The following LYG2 variants were observed in gnomAD, a reference collection of about 807,000 sequenced individuals.
LYG2 encodes the protein lysozyme g-like protein 2.
Under a neutral mutation model 22.4 loss-of-function variants are expected in LYG2, and 25 were observed. The observed-to-expected ratio is 1.12, with a 90% CI of 0.81 to 1.56. The LOEUF (loss-of-function observed/expected upper bound fraction) is 1.56, where lower values mean the gene tolerates loss of function less well. LYG2 is among the 40% of genes most tolerant of loss of function. The pLI is 0.00. For synonymous variants in LYG2, 88 were observed against 97.0 expected (o/e 0.91, Z 0.55); for missense variants, 266 against 269.5 (o/e 0.99, Z 0.09).
At chr2:99,245,073 T>G (rs1014686286) in intron 5 of LYG2, among the ~76,000 whole-genome samples, 189 bp downstream of exon 5, 9 of 150,392 alleles carry the variant, frequency 6.0e-5, no homozygotes, top group Admixed American at 2.0e-4. Flanking sequence ...ATCACGCCAT[T>G]GCACTCCAGC....
At chr2:99,242,764 G>A (rs2094008737) in intron 6 of LYG2, among the ~76,000 whole-genome samples, 1 of 152,078 alleles carries the variant, frequency 6.6e-6, no homozygotes, top group Non-Finnish European at 1.5e-5. Context: ...TAGACTCCCA[G>A]TACATCCTCT....
upstream of LYG2, among the ~76,000 whole-genome samples, chr2:99,257,973 ACCTG>A (rs2094039373): frequency 6.6e-6 from 1 of 152,154 alleles, no homozygotes; most frequent in Non-Finnish European, 1.5e-5. Context: ...CCACACAAAG[ACCTG>A]CCCTTGTGCC....
intron 3 of LYG2, among the ~76,000 whole-genome samples, chr2:99,247,894 A>G (rs1204730947): frequency 6.6e-6 from 1 of 152,098 alleles, no homozygotes; most frequent in East Asian, 1.9e-4. Flanking sequence ...AGAAAAAAAC[A>G]AACAACCCCA....
chr2:99,243,260 G>A (rs1179679309), intron 6 of LYG2, among the ~76,000 whole-genome samples: 3 of 152,124 alleles, frequency 2.0e-5, no homozygotes, highest in Non-Finnish European at 4.4e-5. Context: ...GTGCCTCCAA[G>A]ACATGTAAAA....
intron 3 of LYG2, among the ~76,000 whole-genome samples, chr2:99,248,207 T>C (rs1386359092): frequency 6.6e-6 from 1 of 152,166 alleles, no homozygotes; most frequent in Non-Finnish European, 1.5e-5. Flanking sequence ...AGAAATACCA[T>C]TTGACCCTGC....
In LYG2 at chr2:99,243,437, G is replaced by T. The variant is rs1267780367; in HGVS notation, c.520+562C>A. ...AGAGTAACATTGTTCAGACAATTTG[G>T]AAAGTTGTTGACAGTTTCTTATAAC... is the stretch of plus-strand genomic sequence containing the variant. On this transcript the variant is annotated intron_variant, in intron 6 of 6. Coordinates refer to ENST00000333017, the MANE Select transcript of LYG2 (RefSeq NM_175735.4). 6 of 1,549,874 alleles carry T rather than the reference G, an allele frequency of 3.9e-6. No homozygotes were observed. In the Admixed American group the frequency reaches 1.2e-4, roughly 30 times the overall value.
At chr2:99,260,534 A>G (rs1454143523), upstream of LYG2, among the ~76,000 whole-genome samples, 1 of 152,198 alleles carries the variant, frequency 6.6e-6, no homozygotes, top group Admixed American at 6.5e-5. Context: ...ATGATTTTGT[A>G]AAAAACTGCT....
chr2:99,244,162 A>G, intron 5 of LYG2, 25 bp from the exon 6 acceptor site: 1 of 1,608,266 alleles, frequency 6.2e-7, no homozygotes, highest in Non-Finnish European at 8.5e-7. Flanking sequence ...TAATAAAGTC[A>G]GCATCTGGAT....
In LYG2 at chr2:99,244,107, C is replaced by T. The variant is rs1040646952; in HGVS notation, c.412G>A (p.Ala138Thr). The change falls in exon 6 of 7, where the codon GCC becomes ACC. Residue 138 changes from alanine (A) to threonine (T), a missense_variant. Ala to Thr is a moderately conservative substitution (Grantham distance 58). Coordinates refer to ENST00000333017, the MANE Select transcript of LYG2 (RefSeq NM_175735.4). ...LDKQTYHPVGAWDSKEHLSQA... is the reference protein window; with the variant it reads ...LDKQTYHPVGTWDSKEHLSQA... ...GAAAGGTGCTCTTTGCTATCCCAGGCACCGACAGGGTGGTACGTTTGTTTA... is the reference window on the plus strand; with the variant it reads ...GAAAGGTGCTCTTTGCTATCCCAGGTACCGACAGGGTGGTACGTTTGTTTA... The T allele has an allele frequency of 6.2e-7, 1 of 1,613,956 alleles. No homozygotes were observed.
At chr2:99,248,788 A>C (rs945734460) in intron 3 of LYG2, among the ~76,000 whole-genome samples, 5 of 151,472 alleles carry the variant, frequency 3.3e-5, no homozygotes, top group African/African-American at 4.8e-5. Flanking sequence ...TTCAAAAAAA[A>C]CCAATTTGCC....
chr2:99,245,371 T>C lies in LYG2; in HGVS notation c.272A>G (p.His91Arg). 6.2e-7 allele frequency: 1 copy of C among 1,613,426 alleles called. No homozygotes were observed. The highest frequency in any genetic ancestry group is 1.7e-5 in the Admixed American group (1 of 59,964). The change falls in exon 5 of 7, where the codon CAT becomes CGT. Residue 91 changes from histidine to arginine, a missense_variant. By Grantham distance (29) the His-to-Arg change is conservative. Coordinates refer to ENST00000333017, the MANE Select transcript of LYG2 (RefSeq NM_175735.4). ...TGCGATGACAGCAGGGTCCACGCAA[T>C]GTCTCTGCCCGACTTCTTTGATCAG... ...QTLIKEVGQR[H>R]CVDPAVIAAI...
chr2:99,252,346 C>T (rs1467718180), intron 3 of LYG2, among the ~76,000 whole-genome samples: 1 of 149,918 alleles, frequency 6.7e-6, no homozygotes, highest in Non-Finnish European at 1.5e-5. Flanking sequence ...AGCCACCGTG[C>T]CCAGCCCAAA....
At position 99,246,829 on chromosome 2, in the gene LYG2, C is replaced by T; in HGVS notation, c.44-9G>A. 2 of 1,607,692 alleles carry T rather than the reference C, an allele frequency of 1.2e-6. No individual in the cohort carries two copies. The highest frequency in any genetic ancestry group is 1.7e-6 in the Non-Finnish European group (2 of 1,178,196). Reference sequence around the variant, plus strand: ...TGAGCCCCTGGAAGTGCCTAGGAGGCAGAAGTGTAACTCACATGAATCCTC... The same window carrying T: ...TGAGCCCCTGGAAGTGCCTAGGAGGTAGAAGTGTAACTCACATGAATCCTC... On this transcript the variant is annotated splice_polypyrimidine_tract_variant and intron_variant, in intron 3 of 6. Transcript: ENST00000333017.
upstream of LYG2, among the ~76,000 whole-genome samples, chr2:99,259,390 G>A (rs756001548): frequency 5.9e-5 from 9 of 151,876 alleles, no homozygotes; most frequent in East Asian, 5.8e-4. Flanking sequence ...GTAGTATAAC[G>A]ATATAATGGA....
chr2:99,250,253 A>G (rs1186812335), intron 3 of LYG2, among the ~76,000 whole-genome samples: 1 of 152,170 alleles, frequency 6.6e-6, no homozygotes, highest in East Asian at 1.9e-4. Flanking sequence ...TCAGCAGAAT[A>G]TATAGCGAGT....
intron 4 of LYG2, among the ~76,000 whole-genome samples, chr2:99,246,255 ATT>A (rs2094015919): frequency 6.6e-6 from 1 of 152,130 alleles, no homozygotes; most frequent in Non-Finnish European, 1.5e-5. Context: ...TTGGGCTCTG[ATT>A]TGTAAATTTG....
At chr2:99,259,959 C>CTTTTTT (rs56186823), upstream of LYG2, among the ~76,000 whole-genome samples, 1 of 114,928 alleles carries the variant, frequency 8.7e-6, no homozygotes. Context: ...CAAAAGTAAA[C>CTTTTTT]TTTTTTTTTT....
At chr2:99,254,840 C>T (rs1185771780) in intron 2 of LYG2, among the ~76,000 whole-genome samples, 180 bp downstream of exon 2, 1 of 152,130 alleles carries the variant, frequency 6.6e-6, no homozygotes, top group Non-Finnish European at 1.5e-5. Context: ...TGGGTGTTTC[C>T]ATTCTTATAC....
intron 4 of LYG2, among the ~76,000 whole-genome samples, 185 bp from the exon 5 acceptor site, chr2:99,245,643 A>G (rs940888510): frequency 6.6e-6 from 1 of 151,900 alleles, no homozygotes; most frequent in Non-Finnish European, 1.5e-5. Flanking sequence ...TTTAAAGTTA[A>G]AAAAAGAAAA....
Sources: allele counts gnomAD v4.1 joint callset (sites outside exome capture counted in the v4.1 genomes callset), GRCh38; gene constraint gnomAD v4.1.1; transcripts MANE v1.5; gene names NCBI Gene and HGNC (gene_info 2026-07-23, HGNC 2026-07-21).